DOCK7: variants seen among roughly 807,000 people sequenced by gnomAD.
The protein encoded by DOCK7 is dedicator of cytokinesis protein 7.
In DOCK7, 138 loss-of-function variants were observed where a neutral mutation model predicts 271.0. That is an observed-to-expected ratio of 0.51 (90% CI 0.44 to 0.59). The LOEUF (loss-of-function observed/expected upper bound fraction) is 0.59, where lower values mean the gene tolerates loss of function less well. DOCK7 is among the 20% of genes least tolerant of loss of function. DOCK7 has a pLI of 0.00. For missense variants in DOCK7, 2,066 were observed against 2,592.4 expected, an observed-to-expected ratio of 0.80 and a Z score of 4.41; for synonymous variants, 823 against 876.1, an observed-to-expected ratio of 0.94 and a Z score of 1.07.
At chr1:62,564,966 C>T (rs1001674277) in intron 18 of DOCK7, among the ~76,000 whole-genome samples, 3 of 152,134 alleles carry the variant, frequency 2.0e-5, no homozygotes, top group Non-Finnish European at 4.4e-5. Flanking sequence ...GAATAAATTC[C>T]TGGATACATA....
chr1:62,684,388 GTAC>G (rs1042398630), intron 1 of DOCK7, among the ~76,000 whole-genome samples: 4 of 152,136 alleles, frequency 2.6e-5, no homozygotes, highest in African/African-American at 9.7e-5. Context: ...TCCTGACACA[GTAC>G]TACTAATGCA....
In DOCK7 at chr1:62,654,175, G is replaced by T. The variant is rs750167966; in HGVS notation, c.145-16C>A. 6.3e-7 allele frequency: 1 copy of T among 1,596,998 alleles called. No homozygotes were observed. Among genetic ancestry groups the T allele is most frequent in the South Asian group, 1.1e-5 (1 of 88,284 alleles). On this transcript the variant is annotated splice_polypyrimidine_tract_variant and intron_variant, in intron 2 of 49. Coordinates refer to ENST00000635253, the MANE Select transcript of DOCK7 (RefSeq NM_001367561.1). ...TAAGGGGCACCTTTGTAAAAAGTTG[G>T]GATAAGAGATGGGTAGAAAACAAGA...
At chr1:62,622,746 C>T (rs1482712845) in intron 12 of DOCK7, among the ~76,000 whole-genome samples, 1 of 152,046 alleles carries the variant, frequency 6.6e-6, no homozygotes, top group African/African-American at 2.4e-5. Context: ...TTGGCCAACA[C>T]GGTGAAACCC....
At chr1:62,529,997 A>G (rs901322483) in intron 29 of DOCK7, among the ~76,000 whole-genome samples, 4 of 152,136 alleles carry the variant, frequency 2.6e-5, no homozygotes, top group African/African-American at 9.7e-5. Flanking sequence ...TAGACTCTCA[A>G]TCCCCCTCAG....
intron 1 of DOCK7, among the ~76,000 whole-genome samples, chr1:62,684,059 G>A (rs995961859): frequency 2.0e-5 from 3 of 152,234 alleles, no homozygotes; most frequent in African/African-American, 7.2e-5. Context: ...GGCCAACATG[G>A]TGAAATCCCG....
intron 13 of DOCK7, 26 bp from the exon 14 acceptor site, chr1:62,618,894 T>C: frequency 1.9e-6 from 3 of 1,593,352 alleles, no homozygotes; most frequent in African/African-American, 2.7e-5. Flanking sequence ...TAAAAAACAA[T>C]GTAAAGACAA....
At position 62,541,502 on chromosome 1, in the gene DOCK7, A is replaced by G. The variant is rs568210614; in HGVS notation, c.3045+1106T>C. On this transcript the variant is annotated intron_variant, in intron 25 of 49. Coordinates refer to ENST00000635253, the MANE Select transcript of DOCK7 (RefSeq NM_001367561.1). The stretch of plus-strand genomic sequence containing the variant: ...CAACCCCTCCTCTTCAGCCTATTCA[A>G]TGTGAAGACAATGAGGATGGAGACA... Among the ~76,000 whole-genome samples the G allele has an allele frequency of 1.2e-4, 19 of 152,296 alleles. 1 individual carries two copies. In the South Asian group the frequency reaches 3.7e-3, roughly 30 times the overall value.
intron 14 of DOCK7, among the ~76,000 whole-genome samples, chr1:62,617,172 T>C (rs1396388104): frequency 1.3e-5 from 2 of 151,526 alleles, no homozygotes; most frequent in Non-Finnish European, 3.0e-5. Flanking sequence ...ACAGTAAGCC[T>C]AAAAAGCCTA....
chr1:62,636,792 T>C (rs1480340638), intron 7 of DOCK7, among the ~76,000 whole-genome samples, 189 bp from the exon 8 acceptor site: 1 of 152,164 alleles, frequency 6.6e-6, no homozygotes, highest in Non-Finnish European at 1.5e-5. Context: ...ATCAACCTTA[T>C]CTTCTCTAGT....
chr1:62,582,185 T>C (rs1315406982), intron 16 of DOCK7, among the ~76,000 whole-genome samples: 2 of 151,938 alleles, frequency 1.3e-5, no homozygotes, highest in African/African-American at 2.4e-5. Flanking sequence ...GTAAAGCACA[T>C]AGAAAAGAAG....
intron 14 of DOCK7, among the ~76,000 whole-genome samples, chr1:62,592,894 AT>A (rs2149514642): frequency 6.6e-6 from 1 of 152,336 alleles, no homozygotes; most frequent in South Asian, 2.1e-4. Flanking sequence ...ATGAATGTAT[AT>A]GAAAATATTT....
At chr1:62,629,725 G>A (rs977113061) in intron 11 of DOCK7, 1 of 152,124 alleles carries the variant, frequency 6.6e-6, no homozygotes, top group Admixed American at 6.5e-5. Flanking sequence ...TTAACATCAT[G>A]GATCAGTTCT....
chr1:62,632,868 T>C (rs1654796631), intron 10 of DOCK7, among the ~76,000 whole-genome samples: 1 of 152,008 alleles, frequency 6.6e-6, no homozygotes, highest in Non-Finnish European at 1.5e-5. Context: ...TTTGAGCTGC[T>C]TGGGAGGCTG....
At chr1:62,680,660 A>G (rs1259505721) in intron 1 of DOCK7, among the ~76,000 whole-genome samples, 1 of 152,186 alleles carries the variant, frequency 6.6e-6, no homozygotes, top group East Asian at 1.9e-4. Context: ...GCTAATATCC[A>G]GAATCTACAA....
At chr1:62,608,588 T>C (rs1030051260) in intron 14 of DOCK7, 2 of 152,134 alleles carry the variant, frequency 1.3e-5, no homozygotes, top group Non-Finnish European at 2.9e-5. Context: ...ATCATAATAA[T>C]AAAAATTCTG....
Position 62,505,776 on chromosome 1 carries a change from C to G in DOCK7, c.4517G>C (p.Gly1506Ala). ...GCTGTGTAGTAGCACTTTTAGCACT[C>G]CACCAAGAATGCTCTCTTTGGATTC... is the stretch of plus-strand genomic sequence containing the variant. ...VTESKESILG[G>A]VLKVLLHSMA... Residue 1506 changes from glycine to alanine, a missense_variant, in exon 36 of 50, where the codon GGA becomes GCA. Physicochemically the swap from Gly to Ala is moderately conservative, Grantham distance 60. Coordinates refer to ENST00000635253, the MANE Select transcript of DOCK7 (RefSeq NM_001367561.1). The G allele has an allele frequency of 6.2e-7, 1 of 1,613,042 alleles. No individual in the cohort carries two copies. Among genetic ancestry groups the G allele is most frequent in the South Asian group, 1.1e-5 (1 of 90,962 alleles).
At chr1:62,551,598 A>T (rs1428563703) in intron 22 of DOCK7, among the ~76,000 whole-genome samples, 1 of 152,112 alleles carries the variant, frequency 6.6e-6, no homozygotes, top group Admixed American at 6.5e-5. Flanking sequence ...TAAACTTTAG[A>T]TTCCTTATAA....
intron 29 of DOCK7, among the ~76,000 whole-genome samples, chr1:62,530,096 C>T (rs888663363): frequency 6.6e-6 from 1 of 152,172 alleles, no homozygotes; most frequent in African/African-American, 2.4e-5. Context: ...ACTATGCAAA[C>T]CATTCTAATT....
intron 16 of DOCK7, among the ~76,000 whole-genome samples, chr1:62,580,840 T>C (rs1275837424): frequency 6.6e-6 from 1 of 152,212 alleles, no homozygotes; most frequent in Non-Finnish European, 1.5e-5. Flanking sequence ...GAATGGTTTT[T>C]ACATTTTTAA....
Sources: gnomAD v4.1 joint callset for allele counts (sites outside exome capture counted in the v4.1 genomes callset) on GRCh38, gnomAD v4.1.1 for gene constraint, MANE v1.5 for transcripts, NCBI Gene and HGNC (gene_info 2026-07-23, HGNC 2026-07-21) for gene names.